The following CEP164 variants were observed in gnomAD, a reference collection of about 807,000 sequenced individuals.
CEP164 encodes the protein centrosomal protein of 164 kDa.
Under a neutral mutation model 182.7 loss-of-function variants are expected in CEP164, and 162 were observed. The ratio of observed to expected loss-of-function variants is 0.89; its 90% CI spans 0.78 to 1.01. CEP164 has a LOEUF of 1.01. Among genes scored for constraint, CEP164 ranks in the 50% least tolerant of loss-of-function variants. The pLI, the probability that CEP164 is intolerant of heterozygous loss-of-function variation, is 0.00. For missense variants in CEP164, 1,735 were observed against 1,790.4 expected (o/e 0.97, Z 0.56); for synonymous variants, 661 against 690.0 (o/e 0.96, Z 0.66).
At chr11:117,387,993 T>C (rs1184233232) in intron 15 of CEP164, among the ~76,000 whole-genome samples, 1 of 152,194 alleles carries the variant, frequency 6.6e-6, no homozygotes, top group African/African-American at 2.4e-5. Flanking sequence ...ATCACATCCT[T>C]GTGGGTCCTC....
At chr11:117,408,736 G>A in intron 28 of CEP164, 154 bp from the exon 29 acceptor site, 1 of 899,414 alleles carries the variant, frequency 1.1e-6, no homozygotes, top group Non-Finnish European at 1.7e-6. Flanking sequence ...AATGGAGATG[G>A]CCATATTTCA....
In CEP164 at chr11:117,375,709, A is replaced by G; in HGVS notation, c.1235A>G (p.Asp412Gly). The G allele has an allele frequency of 6.2e-7, 1 of 1,614,038 alleles. No homozygotes were observed. The highest frequency in any genetic ancestry group is 8.5e-7 in the Non-Finnish European group (1 of 1,179,972). ...ASDPKSFHGL[D>G]FGFRSRISEH... ...CCTTTGCATCTCCACTGTCTCCAGG[A>G]CTTCGGTTTTCGCAGCCGGATCTCG... is the stretch of plus-strand genomic sequence containing the variant. The change falls in exon 11 of 33, where the codon GAC (aspartate) becomes GGC (glycine). Residue 412 changes from aspartate to glycine, a missense_variant and splice_region_variant. Transcript: ENST00000278935.
chr11:117,361,714 G>A, intron 5 of CEP164, 121 bp from the exon 6 acceptor site: 1 of 952,166 alleles, frequency 1.1e-6, no homozygotes, highest in Non-Finnish European at 1.7e-6. Context: ...AGCAGCCTCT[G>A]AGCGGAGGTG....
intron 1 of CEP164, among the ~76,000 whole-genome samples, chr11:117,331,640 T>A (rs1229225153): frequency 6.6e-6 from 1 of 152,208 alleles, no homozygotes; most frequent in East Asian, 1.9e-4. Flanking sequence ...GCTGGTACTT[T>A]GACCACTATG....
At chr11:117,363,636 G>C (rs2135727541) in intron 8 of CEP164, 130 bp downstream of exon 8, 1 of 597,856 alleles carries the variant, frequency 1.7e-6, no homozygotes, top group Non-Finnish European at 2.9e-6. Context: ...TTCCAGATGA[G>C]ATTTCTGGGG....
chr11:117,338,594 G>A lies in CEP164; in HGVS notation c.8G>A (p.Gly3Glu). 1 of 1,614,086 alleles carries A rather than the reference G, an allele frequency of 6.2e-7. No individual in the cohort carries two copies. Among genetic ancestry groups the A allele is most frequent in the Non-Finnish European group, 8.5e-7 (1 of 1,179,968 alleles). The stretch of plus-strand genomic sequence containing the variant: ...TTTGAGCCCAGATGAGTCATGGCTG[G>A]ACGACCCCTCCGCATAGGAGATCAG... Reference protein sequence around the residue: MAGRPLRIGDQLV... With the variant: MAERPLRIGDQLV... The change falls in exon 3 of 33, where the codon GGA becomes GAA. Residue 3 changes from glycine (G) to glutamate (E), a missense_variant. Gly to Glu is a moderately conservative substitution (Grantham distance 98, BLOSUM62 -2). Transcript: ENST00000278935.
rs1413952385 is a variant in CEP164, at chr11:117,354,908, C to T, written c.393+2920C>T. On this transcript the variant is annotated intron_variant, in intron 5 of 32. Coordinates refer to ENST00000278935, the MANE Select transcript of CEP164 (RefSeq NM_014956.5). ...CAGAAGTGCTTTGTCTTCGTTTTCT[C>T]TGCATGTTTATATACCCATCTAGGA... The T allele has an allele frequency of 8.8e-6, 11 of 1,243,474 alleles. No homozygotes were observed. The African/African-American group carries it at 1.4e-4, about 16-fold the overall frequency. The allele number at this position is 1,243,474 out of a possible 1,614,324, so 77.0% of individuals were successfully genotyped here. A position where few individuals can be genotyped will look rare whatever the true frequency, so the allele number is the denominator to read the frequency against.
At chr11:117,330,329 G>A (rs2036004811) in intron 1 of CEP164, among the ~76,000 whole-genome samples, 1 of 152,138 alleles carries the variant, frequency 6.6e-6, no homozygotes, top group African/African-American at 2.4e-5. Context: ...GCCCTAACAC[G>A]TCGCACAATG....
intron 28 of CEP164, 54 bp downstream of exon 28, chr11:117,408,086 T>C: frequency 7.3e-7 from 1 of 1,377,944 alleles, no homozygotes; most frequent in Non-Finnish European, 1.0e-6. Context: ...TCTTCTGTTC[T>C]TGGGATTGGG....
intron 1 of CEP164, among the ~76,000 whole-genome samples, chr11:117,331,698 A>G (rs1204731519): frequency 6.6e-6 from 1 of 151,608 alleles, no homozygotes; most frequent in Non-Finnish European, 1.5e-5. Flanking sequence ...CATGGGAAGG[A>G]AGGTGGACCA....
At chr11:117,351,700 C>T in intron 4 of CEP164, 90 bp from the exon 5 acceptor site, 1 of 1,224,150 alleles carries the variant, frequency 8.2e-7, no homozygotes. Context: ...CCTCTTTCAC[C>T]TCCTCTCCCT....
At chr11:117,356,027 A>G in intron 5 of CEP164, 1 of 1,139,304 alleles carries the variant, frequency 8.8e-7, no homozygotes, top group Non-Finnish European at 1.1e-6. Flanking sequence ...CAGCAACAGC[A>G]ACCTGGCCTC....
rs2047481585 is a variant in CEP164, at chr11:117,412,766, T to TGTC, written c.*599_*601dup. The stretch of plus-strand genomic sequence containing the variant: ...TGACCCTCTCAGGACTGGGCTTAGC[T>TGTC]GTCCAGAGCCCTGCCGGAGGGTGCT... On this transcript the variant is annotated 3_prime_UTR_variant, in exon 33 of 33. Transcript: ENST00000278935. The TGTC allele has an allele frequency of 6.5e-6, 1 of 153,142 alleles. No homozygotes were observed. The highest frequency in any genetic ancestry group is 6.5e-5 in the Admixed American group (1 of 15,364). The allele number at this position is 153,142 out of a possible 1,614,324, so 9.5% of individuals were successfully genotyped here. A position where few individuals can be genotyped will look rare whatever the true frequency, so the allele number is the denominator to read the frequency against.
chr11:117,373,526 T>G (rs2042430971), intron 9 of CEP164, among the ~76,000 whole-genome samples: 1 of 152,208 alleles, frequency 6.6e-6, no homozygotes, highest in South Asian at 2.1e-4. Flanking sequence ...AGAGTGTGGT[T>G]GTCTCTACTC....
Position 117,397,289 on chromosome 11 carries a change from A to AG in CEP164, c.3478dup (p.Asp1160GlyfsTer15). The stretch of plus-strand genomic sequence containing the variant: ...ACCCACCAGGCATCAAGGCCCTGGA[A>AG]GATATGCGCAAGAACCTGGAGAAGG... On this transcript the variant is annotated frameshift_variant, in exon 27 of 33. Transcript: ENST00000278935. LOFTEE classifies it high-confidence loss of function. 1 of 1,613,298 alleles carries AG rather than the reference A, an allele frequency of 6.2e-7. No individual in the cohort carries two copies. The highest frequency in any genetic ancestry group is 8.5e-7 in the Non-Finnish European group (1 of 1,179,926).
intron 8 of CEP164, 59 bp from the exon 9 acceptor site, chr11:117,371,021 T>C: frequency 6.6e-7 from 1 of 1,504,504 alleles, no homozygotes; most frequent in Non-Finnish European, 8.9e-7. Context: ...GTAGCATGTC[T>C]CAACTCCTTT....
chr11:117,347,996 G>T (rs1320809084), intron 4 of CEP164, among the ~76,000 whole-genome samples: 1 of 152,042 alleles, frequency 6.6e-6, no homozygotes, highest in African/African-American at 2.4e-5. Context: ...TTGAGATAGA[G>T]TCTTGCTCTG....
intron 17 of CEP164, among the ~76,000 whole-genome samples, chr11:117,391,459 C>T (rs2044645006): frequency 6.6e-6 from 1 of 152,078 alleles, no homozygotes; most frequent in Non-Finnish European, 1.5e-5. Context: ...CACAAGGCTC[C>T]TCCAGGGTCA....
intron 11 of CEP164, among the ~76,000 whole-genome samples, chr11:117,376,847 C>T (rs910224620): frequency 6.6e-6 from 1 of 152,132 alleles, no homozygotes; most frequent in African/African-American, 2.4e-5. Context: ...TTGGAGCAGG[C>T]GAATTGTGAG....
Sources: gnomAD v4.1 joint callset for allele counts (sites outside exome capture counted in the v4.1 genomes callset) on GRCh38, gnomAD v4.1.1 for gene constraint, MANE v1.5 for transcripts, NCBI Gene and HGNC (gene_info 2026-07-23, HGNC 2026-07-21) for gene names.